WDR19: variants seen among roughly 807,000 people sequenced by gnomAD.
WDR19 encodes the protein WD repeat domain 19, also known as WD repeat-containing protein 19.
Under a neutral mutation model 180.0 loss-of-function variants are expected in WDR19, and 121 were observed. The observed-to-expected ratio is 0.67, with a 90% confidence interval of 0.58 to 0.78. The LOEUF (loss-of-function observed/expected upper bound fraction) is 0.78, where lower values mean the gene tolerates loss of function less well. WDR19 is among the 30% of genes least tolerant of loss of function. The pLI is 0.00. For synonymous variants in WDR19, 497 were observed against 540.7 expected (o/e 0.92, Z 1.12); for missense variants, 1,450 against 1,640.7 (o/e 0.88, Z 2.01).
intron 28 of WDR19, among the ~76,000 whole-genome samples, chr4:39,265,335 C>T (rs1734683117): frequency 6.6e-6 from 1 of 152,156 alleles, no homozygotes; most frequent in South Asian, 2.1e-4. Context: ...CTTCTTTACA[C>T]TTTCAATGAC....
chr4:39,253,683 G>T (rs1180535843), intron 25 of WDR19, among the ~76,000 whole-genome samples: 1 of 151,926 alleles, frequency 6.6e-6, no homozygotes, highest in African/African-American at 2.4e-5. Flanking sequence ...GGAGGCTGAG[G>T]CAGGAAAGTC....
At chr4:39,213,530 A>G (rs1280140228) in intron 9 of WDR19, among the ~76,000 whole-genome samples, 1 of 152,244 alleles carries the variant, frequency 6.6e-6, no homozygotes, top group African/African-American at 2.4e-5. Context: ...ATAGAATTAT[A>G]AAAACAAAGA....
intron 2 of WDR19, among the ~76,000 whole-genome samples, chr4:39,186,268 C>T (rs1373030990): frequency 6.6e-6 from 1 of 151,804 alleles, no homozygotes; most frequent in East Asian, 1.9e-4. Context: ...TCACTTGAGG[C>T]CAGGAGTTTG....
At chr4:39,198,422 A>T (rs930259257) in intron 5 of WDR19, among the ~76,000 whole-genome samples, 3 of 151,986 alleles carry the variant, frequency 2.0e-5, no homozygotes, top group Admixed American at 6.6e-5. Flanking sequence ...TTAGCCAGGC[A>T]TGGTGGCGGA....
intron 28 of WDR19, among the ~76,000 whole-genome samples, chr4:39,260,891 AT>A (rs1415653431): frequency 6.6e-6 from 1 of 152,140 alleles, no homozygotes; most frequent in Non-Finnish European, 1.5e-5. Flanking sequence ...TACCTCCCAG[AT>A]GCTCCATTTC....
chr4:39,254,175 C>A, intron 26 of WDR19, 145 bp downstream of exon 26: 1 of 687,050 alleles, frequency 1.5e-6, no homozygotes, highest in Non-Finnish European at 2.1e-6. Flanking sequence ...ACACATGTAT[C>A]TATGTTATGT....
intron 24 of WDR19, among the ~76,000 whole-genome samples, chr4:39,248,008 A>C (rs1171889416): frequency 6.6e-6 from 1 of 152,246 alleles, no homozygotes; most frequent in Non-Finnish European, 1.5e-5. Context: ...AGAGAATGCC[A>C]CAAAGATACT....
At chr4:39,270,124 G>A (rs763901747) in intron 31 of WDR19, 24 bp downstream of exon 31, 2 of 1,610,312 alleles carry the variant, frequency 1.2e-6, no homozygotes, top group South Asian at 1.1e-5. Context: ...AGTGACTTGG[G>A]ACATAACCTG....
chr4:39,199,727 A>G, intron 6 of WDR19, 134 bp downstream of exon 6: 2 of 615,262 alleles, frequency 3.3e-6, no homozygotes, highest in Non-Finnish European at 5.4e-6. Flanking sequence ...TGTATACACA[A>G]TAACTTCAAA....
chr4:39,200,101 G>T (rs1293802450), intron 6 of WDR19, among the ~76,000 whole-genome samples: 1 of 152,060 alleles, frequency 6.6e-6, no homozygotes, highest in East Asian at 1.9e-4. Flanking sequence ...AATTTGTATC[G>T]CCAGTAGCTA....
intron 32 of WDR19, chr4:39,274,362 T>C (rs1324836697): frequency 1.9e-5 from 3 of 159,632 alleles, no homozygotes; most frequent in African/African-American, 7.2e-5. Flanking sequence ...TTTGGCAATT[T>C]GTGGTAAGAG....
chr4:39,221,417 G>T (rs1729691970), intron 14 of WDR19, among the ~76,000 whole-genome samples: 1 of 152,222 alleles, frequency 6.6e-6, no homozygotes, highest in Admixed American at 6.5e-5. Context: ...TCATAAAGCA[G>T]CAACTATCCT....
chr4:39,281,215 G>GTGTGTGTGTGTGTA (rs1167602972), intron 36 of WDR19, among the ~76,000 whole-genome samples: 1,158 of 109,990 alleles, frequency 0.011, 17 homozygotes, highest in Non-Finnish European at 0.017. Flanking sequence ...ATGTGTGTGT[G>GTGTGTGTGTGTGTA]TATATATATA....
intron 34 of WDR19, 80 bp from the exon 35 acceptor site, chr4:39,278,051 C>CAAAAAAAA (rs56151655): frequency 1.8e-6 from 2 of 1,107,136 alleles, no homozygotes; most frequent in African/African-American, 1.8e-5. Context: ...AAGATTCCGT[C>CAAAAAAAA]AAAAAAAAAA....
chr4:39,217,825 G>A (rs377521765), intron 13 of WDR19, among the ~76,000 whole-genome samples, 158 bp from the exon 14 acceptor site: 11 of 152,190 alleles, frequency 7.2e-5, no homozygotes, highest in African/African-American at 2.7e-4. Context: ...TTGCTGGCAA[G>A]CCGTGGTTCC....
At chr4:39,245,194 G>A (rs1048274590) in intron 23 of WDR19, among the ~76,000 whole-genome samples, 175 bp from the exon 24 acceptor site, 6 of 151,534 alleles carry the variant, frequency 4.0e-5, no homozygotes, top group South Asian at 2.1e-4. Context: ...TGATCTGCCC[G>A]CCTCAGCCTT....
Position 39,225,078 on chromosome 4 carries a change from A to T in WDR19, c.1629+45A>T, listed in dbSNP as rs200682195. 4.8e-6 allele frequency: 7 copies of T among 1,445,680 alleles called. No individual in the cohort carries two copies. In the East Asian group the frequency reaches 1.9e-4, roughly 39 times the overall value. 89.6% of individuals were successfully genotyped at this position (1,445,680 alleles called of 1,614,324 possible). The stretch of plus-strand genomic sequence containing the variant: ...AAATGTTTATTTTTTGAAATGCAAT[A>T]TAGGGAAAAAAAGTGTTTAAAGCCT... On this transcript the variant is annotated intron_variant, in intron 15 of 36. Coordinates refer to ENST00000399820, the MANE Select transcript of WDR19 (RefSeq NM_025132.4).
At chr4:39,239,745 G>A (rs545229119) in intron 20 of WDR19, among the ~76,000 whole-genome samples, 7 of 152,164 alleles carry the variant, frequency 4.6e-5, no homozygotes, top group African/African-American at 1.7e-4. Flanking sequence ...AGCATAACCC[G>A]GCTTAATAAT....
intron 14 of WDR19, among the ~76,000 whole-genome samples, chr4:39,221,010 CAG>C (rs1244904712): frequency 6.6e-6 from 1 of 151,234 alleles, no homozygotes; most frequent in Non-Finnish European, 1.5e-5. Context: ...GCATGGGACA[CAG>C]GAGCCTGGCC....
Sources: gnomAD v4.1 joint callset for allele counts (sites outside exome capture counted in the v4.1 genomes callset) on GRCh38, gnomAD v4.1.1 for gene constraint, MANE v1.5 for transcripts, NCBI Gene and HGNC (gene_info 2026-07-23, HGNC 2026-07-21) for gene names.